Variants in EEFSEC observed in about 807,000 individuals in gnomAD.
The protein encoded by EEFSEC is selenocysteine-specific elongation factor.
In EEFSEC, 43 loss-of-function variants were observed where a neutral mutation model predicts 42.1. The ratio of observed to expected loss-of-function variants is 1.02; its 90% CI spans 0.80 to 1.32. The LOEUF is 1.32. Ranked by LOEUF, EEFSEC falls within the 40% of genes most tolerant of loss-of-function variation. The probability of loss-of-function intolerance (pLI) is 0.00; values close to 1 mark genes in which losing one functional copy is unlikely to be tolerated. For missense variants in EEFSEC, 745 were observed against 803.6 expected (o/e 0.93, Z 0.88); for synonymous variants, 354 against 339.1 (o/e 1.04, Z -0.48).
chr3:128,208,266 G>C (rs766333770), intron 1 of EEFSEC, among the ~76,000 whole-genome samples: 1 of 152,166 alleles, frequency 6.6e-6, no homozygotes, highest in African/African-American at 2.4e-5. Context: ...AGAGTTTTTT[G>C]TTGCGGATTT....
chr3:128,321,990 GC>G (rs1192316691), intron 4 of EEFSEC, among the ~76,000 whole-genome samples: 3 of 152,202 alleles, frequency 2.0e-5, no homozygotes, highest in African/African-American at 7.2e-5. Flanking sequence ...GCGTGGGGGA[GC>G]AGCAGTGCTC....
chr3:128,393,387 C>T (rs570811619), intron 6 of EEFSEC, among the ~76,000 whole-genome samples: 3 of 152,192 alleles, frequency 2.0e-5, no homozygotes, highest in Admixed American at 6.5e-5. Context: ...GGAGTCCTGG[C>T]GTTCACGCTG....
chr3:128,314,146 C>A (rs571034554), intron 4 of EEFSEC, among the ~76,000 whole-genome samples: 1 of 152,278 alleles, frequency 6.6e-6, no homozygotes, highest in East Asian at 1.9e-4. Context: ...GTTTGGAGAG[C>A]ACGTTAACCA....
intron 1 of EEFSEC, among the ~76,000 whole-genome samples, chr3:128,223,657 T>C (rs1177185792): frequency 6.6e-6 from 1 of 152,226 alleles, no homozygotes; most frequent in Non-Finnish European, 1.5e-5. Flanking sequence ...AGTATCCTTA[T>C]GTATGAAATG....
chr3:128,183,432 A>G (rs1040753809), intron 1 of EEFSEC, among the ~76,000 whole-genome samples: 1 of 152,082 alleles, frequency 6.6e-6, no homozygotes, highest in African/African-American at 2.4e-5. Context: ...GATTGTGTAT[A>G]CTCTATGTCT....
At chr3:128,336,108 C>A (rs1328176455) in intron 4 of EEFSEC, among the ~76,000 whole-genome samples, 2 of 152,124 alleles carry the variant, frequency 1.3e-5, no homozygotes, top group Admixed American at 1.3e-4. Flanking sequence ...AGAGACAGCT[C>A]CTACTTGCAG....
intron 1 of EEFSEC, among the ~76,000 whole-genome samples, chr3:128,210,153 C>T (rs2065741452): frequency 6.6e-6 from 1 of 152,158 alleles, no homozygotes; most frequent in African/African-American, 2.4e-5. Flanking sequence ...GGGCTATGCC[C>T]ATAGAATGGT....
intron 4 of EEFSEC, among the ~76,000 whole-genome samples, chr3:128,266,957 T>C (rs555399751): frequency 1.1e-4 from 17 of 152,162 alleles, no homozygotes; most frequent in Admixed American, 2.0e-4. Flanking sequence ...CCAGTCTCTG[T>C]GCTTCCTAAG....
At chr3:128,200,216 G>A (rs998619193) in intron 1 of EEFSEC, among the ~76,000 whole-genome samples, 6 of 152,140 alleles carry the variant, frequency 3.9e-5, no homozygotes, top group African/African-American at 1.4e-4. Context: ...TATATTTATT[G>A]TCCGTCTGCT....
chr3:128,224,641 A>G (rs1219258280), intron 1 of EEFSEC, among the ~76,000 whole-genome samples: 1 of 152,206 alleles, frequency 6.6e-6, no homozygotes, highest in African/African-American at 2.4e-5. Context: ...GTATTTTTAA[A>G]CAAATTTATG....
At chr3:128,182,147 G>GATT (rs1276635402) in intron 1 of EEFSEC, among the ~76,000 whole-genome samples, 1 of 152,218 alleles carries the variant, frequency 6.6e-6, no homozygotes, top group Non-Finnish European at 1.5e-5. Flanking sequence ...AAGGTACCCA[G>GATT]ATTAAGTTTA....
intron 6 of EEFSEC, among the ~76,000 whole-genome samples, chr3:128,401,592 A>G (rs1441635398): frequency 2.6e-5 from 4 of 152,128 alleles, no homozygotes; most frequent in African/African-American, 7.2e-5. Flanking sequence ...TTGGCTTCTT[A>G]TAGCTGAAGC....
chr3:128,153,749 C>G lies in EEFSEC; in HGVS notation c.242C>G (p.Pro81Arg). Residue 81 changes from proline (P) to arginine (R), a missense_variant, in exon 1 of 7, where the codon CCC becomes CGC. Physicochemically the swap from Pro to Arg is moderately radical, Grantham distance 103 (BLOSUM62 -2). Transcript: ENST00000254730. ...FQAAPEAEPE[P>R]GEPLLQVTLV... ...GCAGCGCCCGAGGCCGAGCCCGAGC[C>G]CGGCGAGCCACTGCTTCAGGTCACG... The G allele has an allele frequency of 1.3e-6, 2 of 1,538,664 alleles. No homozygotes were observed. Among genetic ancestry groups the G allele is most frequent in the Non-Finnish European group, 1.7e-6 (2 of 1,151,018 alleles).
chr3:128,369,843 C>A (rs116250882), intron 6 of EEFSEC, among the ~76,000 whole-genome samples: 1 of 152,304 alleles, frequency 6.6e-6, no homozygotes, highest in African/African-American at 2.4e-5. Flanking sequence ...TGCGCCGAGC[C>A]GACTGAGGGT....
chr3:128,332,876 G>A (rs111971472), intron 4 of EEFSEC, among the ~76,000 whole-genome samples: 2 of 152,374 alleles, frequency 1.3e-5, no homozygotes, highest in African/African-American at 4.8e-5. Context: ...AGCCTAGGTC[G>A]AAGAAGAGGG....
chr3:128,313,433 C>T (rs2066911738), intron 4 of EEFSEC, among the ~76,000 whole-genome samples: 1 of 152,252 alleles, frequency 6.6e-6, no homozygotes, highest in Non-Finnish European at 1.5e-5. Context: ...ATGTTGCATT[C>T]AGTTAGTGAC....
In EEFSEC at chr3:128,401,880, A is replaced by G. The variant is rs554267684; in HGVS notation, c.1601-6189A>G. ...TTCCAGCAGCCATGGAGGAGTCATGAGCATCACCACCCCTACCTTACCTCT... is the reference window on the plus strand; with the variant it reads ...TTCCAGCAGCCATGGAGGAGTCATGGGCATCACCACCCCTACCTTACCTCT... On this transcript the variant is annotated intron_variant, in intron 6 of 6. Coordinates refer to ENST00000254730, the MANE Select transcript of EEFSEC (RefSeq NM_021937.5). Among the ~76,000 whole-genome samples the G allele has an allele frequency of 5.3e-5, 8 of 152,250 alleles. No individual in the cohort carries two copies. The South Asian group carries it at 1.7e-3, about 32-fold the overall frequency.
Position 128,341,325 on chromosome 3 carries a change from T to C in EEFSEC, c.879T>C (p.Phe293=). 1 of 1,614,202 alleles carries C rather than the reference T, an allele frequency of 6.2e-7. No homozygotes were observed. Among genetic ancestry groups the C allele is most frequent in the Non-Finnish European group, 8.5e-7 (1 of 1,180,042 alleles). ...GDRLGICVTQ[F]DPKLLERGLV... ...GGCTGGGCATCTGCGTCACCCAGTT[T>C]GACCCTAAGCTGCTGGAGCGCGGGT... The change falls in exon 5 of 7, where the codon TTT becomes TTC. Residue 293 remains phenylalanine, a synonymous_variant. Coordinates refer to ENST00000254730, the MANE Select transcript of EEFSEC (RefSeq NM_021937.5).
At chr3:128,380,935 A>G (rs1468923468) in intron 6 of EEFSEC, among the ~76,000 whole-genome samples, 1 of 152,192 alleles carries the variant, frequency 6.6e-6, no homozygotes, top group Non-Finnish European at 1.5e-5. Context: ...CCGCCAGGTG[A>G]TGGATGCAGC....
Sources: allele counts gnomAD v4.1 joint callset (sites outside exome capture counted in the v4.1 genomes callset), GRCh38; gene constraint gnomAD v4.1.1; transcripts MANE v1.5; gene names NCBI Gene and HGNC (gene_info 2026-07-23, HGNC 2026-07-21).